Variants in SDHA observed in about 807,000 individuals in gnomAD.
SDHA encodes the protein succinate dehydrogenase complex flavoprotein subunit A, also known as succinate dehydrogenase [ubiquinone] flavoprotein subunit, mitochondrial.
A neutral mutation model predicts 78.4 loss-of-function variants in SDHA; 48 were observed. That is an observed-to-expected ratio of 0.61 (90% CI 0.49 to 0.78). The LOEUF (loss-of-function observed/expected upper bound fraction) is 0.78, where lower values mean the gene tolerates loss of function less well. SDHA is among the 30% of genes least tolerant of loss of function. The pLI is 0.00. For missense variants in SDHA, 680 were observed against 892.7 expected, an observed-to-expected ratio of 0.76 and a Z score of 3.04; for synonymous variants, 326 against 353.9, an observed-to-expected ratio of 0.92 and a Z score of 0.88.
intron 4 of SDHA, 97 bp downstream of exon 4, chr5:225,659 A>G (rs61492827): frequency 0.15 from 227,773 of 1,550,058 alleles, 23,309 homozygotes; most frequent in African/African-American, 0.53. Flanking sequence ...TGTGGCAGCC[A>G]AAAGAATGGT....
chr5:232,608 CA>C (rs1303922080), intron 7 of SDHA, among the ~76,000 whole-genome samples: 2 of 152,290 alleles, frequency 1.3e-5, no homozygotes, highest in East Asian at 3.9e-4. Context: ...CTCCACTGCT[CA>C]TGCTTTGTCT....
At chr5:254,645 A>C in intron 14 of SDHA, 139 bp downstream of exon 14, 1 of 1,367,702 alleles carries the variant, frequency 7.3e-7, no homozygotes, top group Admixed American at 2.1e-5. Context: ...GGCACCGCTG[A>C]AAAAGGCACT....
chr5:250,176 C>T (rs528040622), intron 11 of SDHA: 10 of 152,178 alleles, frequency 6.6e-5, no homozygotes, highest in South Asian at 2.1e-4. Context: ...TACAGTGTTA[C>T]GATTATGTAT....
intron 11 of SDHA, among the ~76,000 whole-genome samples, chr5:244,797 T>C (rs1736348382): frequency 6.6e-6 from 1 of 152,200 alleles, no homozygotes; most frequent in African/African-American, 2.4e-5. Context: ...CTTCTGTACC[T>C]ATAAATTTAT....
intron 5 of SDHA, among the ~76,000 whole-genome samples, chr5:226,705 G>C (rs1268204064): frequency 6.6e-6 from 1 of 151,920 alleles, no homozygotes; most frequent in Non-Finnish European, 1.5e-5. Context: ...TAGGCGGGCA[G>C]ATCACAAGGT....
rs1304066611 is a variant in SDHA, at chr5:228,168, T to G, written c.622-17T>G. On this transcript the variant is annotated splice_polypyrimidine_tract_variant and intron_variant, in intron 5 of 14. Coordinates refer to ENST00000264932, the MANE Select transcript of SDHA (RefSeq NM_004168.4). ...TTGGCTTAACACTTCTTGCCCTTTT[T>G]TTTTCCTTTCTTTTAGTCTCTGCGA... 1 of 1,613,538 alleles carries G rather than the reference T, an allele frequency of 6.2e-7. No individual in the cohort carries two copies. The highest frequency in any genetic ancestry group is 2.2e-5 in the East Asian group (1 of 44,886).
In SDHA at chr5:248,391, A is replaced by G. The variant is rs185779377; in HGVS notation, c.1552-2601A>G. Among the ~76,000 whole-genome samples the G allele has an allele frequency of 2.2e-3, 334 of 152,324 alleles. 1 individual carries two copies. Among genetic ancestry groups the G allele is most frequent in the African/African-American group, 7.4e-3 (308 of 41,580 alleles). ...AAGAAAACCTGAGGAAAGCGGGACA[A>G]CCAGTCACAATGAGTAATTTAATGG... On this transcript the variant is annotated intron_variant, in intron 11 of 14. Coordinates refer to ENST00000264932, the MANE Select transcript of SDHA (RefSeq NM_004168.4).
intron 7 of SDHA, 125 bp downstream of exon 7, chr5:231,125 C>T (rs1735372738): frequency 8.8e-7 from 1 of 1,135,478 alleles, no homozygotes; most frequent in Admixed American, 1.9e-5. Context: ...GCTTCCTCAG[C>T]TCTCAGGTCC....
chr5:233,659 A>G lies in SDHA; in HGVS notation c.1064+14A>G, dbSNP rs1735569942. 2 of 1,613,606 alleles carry G rather than the reference A, an allele frequency of 1.2e-6. No homozygotes were observed. The highest frequency in any genetic ancestry group is 1.7e-6 in the Non-Finnish European group (2 of 1,179,586). On this transcript the variant is annotated intron_variant, in intron 8 of 14. Coordinates refer to ENST00000264932, the MANE Select transcript of SDHA (RefSeq NM_004168.4). The stretch of plus-strand genomic sequence containing the variant: ...CCGAGAAGGAAGGTGCGTGTGATTT[A>G]CCACCAGCACTGTCTGAGCGGGCAC...
At chr5:242,616 C>T (rs1461680363) in intron 11 of SDHA, among the ~76,000 whole-genome samples, 1 of 152,174 alleles carries the variant, frequency 6.6e-6, no homozygotes, top group Admixed American at 6.5e-5. Flanking sequence ...TCTAGCGCCG[C>T]TGGGTTAGGG....
At chr5:261,438 T>G (rs1410265312), downstream of SDHA, among the ~76,000 whole-genome samples, 3 of 68,762 alleles carry the variant, frequency 4.4e-5, no homozygotes, top group Admixed American at 1.3e-4. Context: ...CATTACCGTG[T>G]GAGCTCCGCC....
chr5:241,672 TC>T (rs1736150232), intron 11 of SDHA, among the ~76,000 whole-genome samples: 1 of 152,260 alleles, frequency 6.6e-6, no homozygotes, highest in African/African-American at 2.4e-5. Context: ...TGCAAGAATT[TC>T]TGTGTATTTT....
intron 11 of SDHA, among the ~76,000 whole-genome samples, chr5:245,306 A>C (rs545504184): frequency 2.0e-5 from 3 of 152,216 alleles, no homozygotes; most frequent in African/African-American, 7.2e-5. Context: ...ATTCCAAAAA[A>C]TTGGCCTTTA....
chr5:232,842 C>A (rs1466812265), intron 7 of SDHA, among the ~76,000 whole-genome samples: 1 of 152,206 alleles, frequency 6.6e-6, no homozygotes, highest in Non-Finnish European at 1.5e-5. Context: ...AGTCACAGAG[C>A]CGCTGTTTGG....
rs774584410 is a variant in SDHA, at chr5:230,999, A to G, written c.894A>G (p.Thr298=). 395 of 1,613,890 alleles carry G rather than the reference A, an allele frequency of 2.4e-4. No individual in the cohort carries two copies. The highest frequency in any genetic ancestry group is 7.6e-6 in the Non-Finnish European group (9 of 1,179,822). ...TAGAGTTTGTTCAGTTCCACCCTAC[A>G]GGTAGGGCAGGACGCCTTGCCCGGC... ...QDLEFVQFHP[T]GIYGAGCLIT... Residue 298 remains threonine (T), a splice_region_variant and synonymous_variant, in exon 7 of 15, where the codon ACA becomes ACG. Coordinates refer to ENST00000264932, the MANE Select transcript of SDHA (RefSeq NM_004168.4).
chr5:238,377 C>G (rs554508383), intron 10 of SDHA, among the ~76,000 whole-genome samples: 25 of 151,708 alleles, frequency 1.6e-4, no homozygotes, highest in East Asian at 5.8e-4. Context: ...AGAAAAAATG[C>G]TTGTAGCATC....
intron 1 of SDHA, among the ~76,000 whole-genome samples, chr5:220,905 C>T (rs1469585714): frequency 4.0e-5 from 6 of 150,914 alleles, no homozygotes; most frequent in Admixed American, 1.3e-4. Flanking sequence ...CTCTGCCTCC[C>T]GAGTTCACGC....
the SDHA span, among the ~76,000 whole-genome samples, chr5:263,032 G>A: frequency 2.6e-4 from 39 of 151,694 alleles, no homozygotes; most frequent in East Asian, 6.6e-3. Flanking sequence ...CTCCACCTCC[G>A]GGGCTCCAGC....
At position 233,560 on chromosome 5, in the gene SDHA, A is replaced by G. The variant is rs1285443776; in HGVS notation, c.979A>G (p.Met327Val). The G allele has an allele frequency of 6.2e-7, 1 of 1,614,232 alleles. No homozygotes were observed. Among genetic ancestry groups the G allele is most frequent in the Non-Finnish European group, 8.5e-7 (1 of 1,180,038 alleles). The change falls in exon 8 of 15, where the codon ATG (methionine) becomes GTG (valine). Residue 327 changes from methionine to valine, a missense_variant. Transcript: ENST00000264932. ...ILINSQGERFMERYAPVAKDL... is the reference protein window; with the variant it reads ...ILINSQGERFVERYAPVAKDL... ...CATTAACAGTCAAGGCGAAAGGTTT[A>G]TGGAGCGATACGCCCCTGTCGCGAA...
Sources: gnomAD v4.1 joint callset for allele counts (sites outside exome capture counted in the v4.1 genomes callset) on GRCh38, gnomAD v4.1.1 for gene constraint, MANE v1.5 for transcripts, NCBI Gene and HGNC (gene_info 2026-07-23, HGNC 2026-07-21) for gene names.